The following TIAM1 variants were observed in gnomAD, a reference collection of about 807,000 sequenced individuals.
TIAM1 encodes the protein rho guanine nucleotide exchange factor TIAM1.
A neutral mutation model predicts 163.5 loss-of-function variants in TIAM1; 65 were observed. The observed-to-expected ratio is 0.40, with a 90% confidence interval of 0.33 to 0.49. The LOEUF (loss-of-function observed/expected upper bound fraction) is 0.49. Among genes scored for constraint, TIAM1 ranks in the 20% least tolerant of loss-of-function variants. TIAM1 has a pLI of 0.77. For missense variants in TIAM1, 1,789 were observed against 2,044.7 expected (o/e 0.87, Z 2.41); for synonymous variants, 833 against 810.1 (o/e 1.03, Z -0.48).
At chr21:31,447,865 C>T (rs2044686826) in intron 2 of TIAM1, among the ~76,000 whole-genome samples, 1 of 152,170 alleles carries the variant, frequency 6.6e-6, no homozygotes, top group South Asian at 2.1e-4. Context: ...TGGAGGTTAA[C>T]ATATCTGAAG....
At chr21:31,251,602 G>A in intron 5 of TIAM1, 140 bp downstream of exon 5, 1 of 892,036 alleles carries the variant, frequency 1.1e-6, no homozygotes, top group Non-Finnish European at 1.7e-6. Flanking sequence ...CTCTTACTAT[G>A]ATAAATGTTT....
intron 6 of TIAM1, among the ~76,000 whole-genome samples, chr21:31,243,469 G>A (rs1261848601): frequency 2.6e-5 from 4 of 151,678 alleles, no homozygotes; most frequent in Non-Finnish European, 5.9e-5. Flanking sequence ...CAAGATAAAT[G>A]AGCAGGAAGA....
At chr21:31,138,780 G>A (rs1437142037) in intron 22 of TIAM1, among the ~76,000 whole-genome samples, 1 of 152,200 alleles carries the variant, frequency 6.6e-6, no homozygotes, top group Non-Finnish European at 1.5e-5. Flanking sequence ...TGGGGCTTAA[G>A]ACTTGAGTAA....
intron 1 of TIAM1, among the ~76,000 whole-genome samples, chr21:31,480,832 C>G (rs187988380): frequency 6.6e-6 from 1 of 152,212 alleles, no homozygotes; most frequent in African/African-American, 2.4e-5. Flanking sequence ...TGGCTTACTG[C>G]AACCTCCGTC....
At chr21:31,354,522 C>T (rs1000478035) in intron 2 of TIAM1, among the ~76,000 whole-genome samples, 11 of 152,066 alleles carry the variant, frequency 7.2e-5, no homozygotes, top group Non-Finnish European at 4.4e-5. Flanking sequence ...AGATAATTAA[C>T]GGCTGGTGGA....
At chr21:31,143,759 G>A (rs2082973131) in intron 20 of TIAM1, among the ~76,000 whole-genome samples, 1 of 149,398 alleles carries the variant, frequency 6.7e-6, no homozygotes, top group Non-Finnish European at 1.5e-5. Flanking sequence ...ACGGAGTCTC[G>A]ATCTGTTGCC....
At chr21:31,456,950 T>C (rs540835983) in intron 2 of TIAM1, among the ~76,000 whole-genome samples, 20 of 152,298 alleles carry the variant, frequency 1.3e-4, no homozygotes, top group Non-Finnish European at 2.2e-4. Context: ...AGACCCAACA[T>C]TGCACTTGGT....
At chr21:31,181,753 CTTCTTTTTTTTTTTT>C (rs2085028401) in intron 15 of TIAM1, among the ~76,000 whole-genome samples, 1 of 39,440 alleles carries the variant, frequency 2.5e-5, no homozygotes, top group African/African-American at 7.6e-5. Context: ...TCTTCTTCTT[CTTCTTTTTTTTTTTT>C]TTTTTTTTTT....
rs572119062 is a variant in TIAM1, at chr21:31,310,229, G to C, written c.-189+29014C>G. 2.6e-5 allele frequency among the ~76,000 whole-genome samples: 4 copies of C among 152,274 alleles called. No individual in the cohort carries two copies. In the South Asian group the frequency reaches 8.3e-4, roughly 32 times the overall value. On this transcript the variant is annotated intron_variant, in intron 2 of 27. Coordinates refer to ENST00000541036, the MANE Select transcript of TIAM1 (RefSeq NM_001353694.2). ...CCCTGCCCCAGTCACGTCCCTGGAA[G>C]GCCTCCAAGCTCTATCTCTAGTATT...
chr21:31,311,172 GT>G (rs34323103), intron 2 of TIAM1, among the ~76,000 whole-genome samples: 81,724 of 147,002 alleles, frequency 0.56, 22,946 homozygotes, highest in African/African-American at 0.68. Flanking sequence ...TGTTTGTTTT[GT>G]TTTTTTTTTT....
Position 31,355,528 on chromosome 21 carries a change from ATTATTTATTTATTTAT to A in TIAM1, c.-368-16122_-368-16107del, listed in dbSNP as rs56133305. Among the ~76,000 whole-genome samples, 993 of 144,754 alleles carry A rather than the reference ATTATTTATTTATTTAT, an allele frequency of 6.9e-3. 14 individuals carry two copies. The highest frequency in any genetic ancestry group is 0.024 in the African/African-American group (933 of 39,296). The allele number at this position is 144,754 out of a possible 152,430, so 95.0% of individuals were successfully genotyped here. On this transcript the variant is annotated intron_variant, in intron 2 of 28. Coordinates refer to the TIAM1 transcript ENST00000286827. ...TCCCTGATTTATTTTTCTCTCCTTT[ATTATTTATTTATTTAT>A]TTATTTATTTATTTATTTATTTATT...
intron 1 of TIAM1, among the ~76,000 whole-genome samples, chr21:31,536,120 G>A (rs766312653): frequency 1.3e-5 from 2 of 152,134 alleles, no homozygotes; most frequent in Non-Finnish European, 2.9e-5. Context: ...TGCTTCCTGG[G>A]CCCACACCAG....
chr21:31,242,870 A>G (rs2071263695), intron 6 of TIAM1, among the ~76,000 whole-genome samples: 1 of 150,200 alleles, frequency 6.7e-6, no homozygotes, highest in African/African-American at 2.4e-5. Flanking sequence ...CAAAAAAAAA[A>G]AAAAAAAAAG....
chr21:31,208,218 C>A (rs2086552379), intron 11 of TIAM1, among the ~76,000 whole-genome samples: 1 of 152,186 alleles, frequency 6.6e-6, no homozygotes, highest in East Asian at 1.9e-4. Context: ...ACTCACTGAT[C>A]AATCTTCCAC....
intron 25 of TIAM1, 134 bp downstream of exon 25, chr21:31,130,079 A>G (rs2082349505): frequency 1.5e-6 from 1 of 663,406 alleles, no homozygotes; most frequent in Non-Finnish European, 2.6e-6. Context: ...CCGAGAGACA[A>G]GAGAGTTAAG....
intron 6 of TIAM1, among the ~76,000 whole-genome samples, chr21:31,234,482 T>A (rs1255177752): frequency 6.6e-6 from 1 of 151,992 alleles, no homozygotes; most frequent in African/African-American, 2.4e-5. Context: ...GAAATCACTA[T>A]GAAGGATCAG....
At chr21:31,245,085 G>A (rs918171904) in intron 6 of TIAM1, among the ~76,000 whole-genome samples, 5 of 152,086 alleles carry the variant, frequency 3.3e-5, no homozygotes, top group African/African-American at 1.2e-4. Flanking sequence ...TGATTAATAT[G>A]AGAAAGGAAC....
intron 2 of TIAM1, among the ~76,000 whole-genome samples, chr21:31,420,974 T>C (rs1368859644): frequency 6.6e-6 from 1 of 151,636 alleles, no homozygotes; most frequent in African/African-American, 2.4e-5. Context: ...ATACAAAAAT[T>C]AGCCGGGTAT....
At chr21:31,456,855 A>G (rs1257368703) in intron 2 of TIAM1, among the ~76,000 whole-genome samples, 1 of 151,960 alleles carries the variant, frequency 6.6e-6, no homozygotes, top group Non-Finnish European at 1.5e-5. Flanking sequence ...CCACCAATTA[A>G]CCATTCCCTG....
Sources: gnomAD v4.1 joint callset for allele counts (sites outside exome capture counted in the v4.1 genomes callset) on GRCh38, gnomAD v4.1.1 for gene constraint, MANE v1.5 for transcripts, NCBI Gene and HGNC (gene_info 2026-07-23, HGNC 2026-07-21) for gene names.